Variants in RORA observed in about 807,000 individuals in gnomAD.
RORA encodes the protein RAR related orphan receptor A.
A neutral mutation model predicts 69.5 loss-of-function variants in RORA; 7 were observed. The observed-to-expected ratio is 0.10, with a 90% CI of 0.06 to 0.19. The LOEUF (loss-of-function observed/expected upper bound fraction) is 0.19, where lower values mean the gene tolerates loss of function less well. Among genes scored for constraint, RORA ranks in the 10% least tolerant of loss-of-function variants. RORA has a pLI of 1.00. For synonymous variants in RORA, 261 were observed against 240.8 expected (o/e 1.08, Z -0.78); for missense variants, 457 against 663.0 (o/e 0.69, Z 3.41).
At chr15:60,766,896 C>A (rs896973406) in intron 1 of RORA, among the ~76,000 whole-genome samples, 2 of 152,132 alleles carry the variant, frequency 1.3e-5, no homozygotes, top group African/African-American at 4.8e-5. Flanking sequence ...TGCCATGAGC[C>A]AGCCCTGATA....
intron 1 of RORA, among the ~76,000 whole-genome samples, chr15:60,792,211 G>A (rs341439): frequency 9.6e-4 from 146 of 152,286 alleles, no homozygotes; most frequent in African/African-American, 3.4e-3. Context: ...GCAGGAAAGA[G>A]TCAATGGACT....
chr15:60,832,944 G>C (rs540271537), intron 1 of RORA, among the ~76,000 whole-genome samples: 26 of 151,334 alleles, frequency 1.7e-4, no homozygotes, highest in African/African-American at 6.1e-4. Context: ...TCACTGTGTC[G>C]CCCAGGCTGG....
chr15:60,968,806 C>T (rs554767866), intron 1 of RORA, among the ~76,000 whole-genome samples: 64 of 152,080 alleles, frequency 4.2e-4, no homozygotes, highest in African/African-American at 1.4e-3. Flanking sequence ...TCAGTAAATT[C>T]GCATCAGTAC....
At chr15:61,054,912 G>A (rs1407970863) in intron 1 of RORA, among the ~76,000 whole-genome samples, 2 of 150,434 alleles carry the variant, frequency 1.3e-5, no homozygotes, top group Non-Finnish European at 2.9e-5. Flanking sequence ...TCACGGCTCC[G>A]TGTAGCTTCC....
At chr15:60,837,853 G>C (rs940352683) in intron 1 of RORA, among the ~76,000 whole-genome samples, 1 of 152,158 alleles carries the variant, frequency 6.6e-6, no homozygotes, top group Non-Finnish European at 1.5e-5. Flanking sequence ...CAATTGAGTT[G>C]TCCGCTTTGC....
At position 60,497,360 on chromosome 15, in the gene RORA, T is replaced by C. The variant is rs1237152627; in HGVS notation, c.*95A>G. On this transcript the variant is annotated 3_prime_UTR_variant, in exon 11 of 11. Coordinates refer to ENST00000335670, the MANE Select transcript of RORA (RefSeq NM_134261.3). ...GATGTGCAGTGTGTGGCGCTCCAGG[T>C]CTGTGCAGGGCCATATAAAGTGTCT... 2.0e-6 allele frequency: 2 copies of C among 1,022,538 alleles called. No homozygotes were observed. Among genetic ancestry groups the C allele is most frequent in the African/African-American group, 3.2e-5 (2 of 62,364 alleles). 63.3% of individuals were successfully genotyped at this position (1,022,538 alleles called of 1,614,324 possible). A position where few individuals can be genotyped will look rare whatever the true frequency, so the allele number is the denominator to read the frequency against.
rs575215961 is a variant in RORA, at chr15:61,105,964, A to G, written c.166+123089T>C. Among the ~76,000 whole-genome samples, 7 of 152,368 alleles carry G rather than the reference A, an allele frequency of 4.6e-5. No individual in the cohort carries two copies. In the East Asian group the frequency reaches 5.8e-4, roughly 13 times the overall value. ...TTCATCTACAAAATTAGTTGCCAGG[A>G]AAACACAGGTTTATCTTCATAAGCT... On this transcript the variant is annotated intron_variant, in intron 1 of 10. Coordinates refer to ENST00000335670, the MANE Select transcript of RORA (RefSeq NM_134261.3).
chr15:61,085,681 A>C (rs982814186), intron 1 of RORA, among the ~76,000 whole-genome samples: 1 of 152,218 alleles, frequency 6.6e-6, no homozygotes, highest in African/African-American at 2.4e-5. Context: ...GCACAAGAGC[A>C]GTCAGAACTA....
intron 1 of RORA, among the ~76,000 whole-genome samples, chr15:61,036,827 C>T (rs1176703804): frequency 2.7e-5 from 4 of 147,934 alleles, no homozygotes; most frequent in Non-Finnish European, 6.0e-5. Context: ...TGCCCTTCTC[C>T]CAAAACAAGA....
chr15:61,163,171 C>T (rs1158513271), intron 1 of RORA, among the ~76,000 whole-genome samples: 3 of 152,130 alleles, frequency 2.0e-5, no homozygotes, highest in Non-Finnish European at 2.9e-5. Flanking sequence ...CTCTGTTTAT[C>T]TGTGTGTGGA....
chr15:61,144,406 C>A (rs1302092476), intron 1 of RORA, among the ~76,000 whole-genome samples: 1 of 152,290 alleles, frequency 6.6e-6, no homozygotes, highest in African/African-American at 2.4e-5. Flanking sequence ...GTGTGTTCAG[C>A]GAAGGCTGAG....
intron 1 of RORA, among the ~76,000 whole-genome samples, chr15:61,063,865 G>C (rs2078220550): frequency 6.6e-6 from 1 of 152,212 alleles, no homozygotes; most frequent in Non-Finnish European, 1.5e-5. Context: ...AGAATAGAGA[G>C]CACGTTTGGC....
At chr15:60,867,313 CAT>C (rs1482250743) in intron 1 of RORA, among the ~76,000 whole-genome samples, 1 of 152,106 alleles carries the variant, frequency 6.6e-6, no homozygotes, top group Non-Finnish European at 1.5e-5. Context: ...CAGGTGACAA[CAT>C]GTAGATTGAC....
At chr15:60,828,831 T>TAAG (rs1305377580) in intron 1 of RORA, among the ~76,000 whole-genome samples, 1 of 152,218 alleles carries the variant, frequency 6.6e-6, no homozygotes, top group African/African-American at 2.4e-5. Flanking sequence ...AGTAGTTCTC[T>TAAG]AGGCTCTCTC....
chr15:60,682,816 C>T (rs1227803439), intron 1 of RORA, among the ~76,000 whole-genome samples: 1 of 152,182 alleles, frequency 6.6e-6, no homozygotes, highest in African/African-American at 2.4e-5. Context: ...GATTCACAAA[C>T]AGACCACGAG....
At chr15:60,640,457 TA>T (rs2069922954) in intron 2 of RORA, among the ~76,000 whole-genome samples, 2 of 152,156 alleles carry the variant, frequency 1.3e-5, no homozygotes, top group African/African-American at 4.8e-5. Flanking sequence ...GAGGGCATTT[TA>T]AAAATGTAAA....
intron 1 of RORA, among the ~76,000 whole-genome samples, chr15:61,141,372 T>C (rs1429997082): frequency 6.6e-6 from 1 of 152,160 alleles, no homozygotes; most frequent in African/African-American, 2.4e-5. Context: ...CCAATACACA[T>C]GTTATGTAAT....
Position 61,147,236 on chromosome 15 carries a change from C to T in RORA, c.166+81817G>A, listed in dbSNP as rs538705548. 5.2e-4 allele frequency among the ~76,000 whole-genome samples: 79 copies of T among 152,234 alleles called. No homozygotes were observed. Among genetic ancestry groups the T allele is most frequent in the African/African-American group, 1.8e-3 (75 of 41,538 alleles). On this transcript the variant is annotated intron_variant, in intron 1 of 10. Transcript: ENST00000335670. This position sits in a 1 kb window ranked among gnomAD's most constrained non-coding sequence, Gnocchi z 4.1. ...CAGCACCGTGGTCGTTTCCACCACC[C>T]AAGAGAACCGTAAAGGTGGAAAGGG...
Position 60,511,598 on chromosome 15 carries a change from T to C in RORA, c.448A>G (p.Lys150Glu). 1 of 1,606,962 alleles carries C rather than the reference T, an allele frequency of 6.2e-7. No individual in the cohort carries two copies. The highest frequency in any genetic ancestry group is 8.5e-7 in the Non-Finnish European group (1 of 1,175,678). ...RDAVKFGRMS[K>E]KQRDSLYAEV... ...GCATACAAGCTGTCTCTCTGCTTTT[T>C]TGACATTCGGCCAAATTTTACAGCT... The change falls in exon 5 of 11, where the codon AAA becomes GAA. Residue 150 changes from lysine to glutamate, a missense_variant. By Grantham distance (56) the Lys-to-Glu change is moderately conservative. Transcript: ENST00000335670. The surrounding 1 kb of genome is among the most constrained non-coding windows in gnomAD (Gnocchi z 6.4).
Sources: allele counts gnomAD v4.1 joint callset (sites outside exome capture counted in the v4.1 genomes callset), GRCh38; gene constraint gnomAD v4.1.1; non-coding constraint Gnocchi (gnomAD v3.1); transcripts MANE v1.5; gene names NCBI Gene and HGNC (gene_info 2026-07-23, HGNC 2026-07-21).